Variants in RASAL2 observed in about 807,000 individuals in gnomAD.
RASAL2 encodes ras GTPase-activating protein nGAP.
A neutral mutation model predicts 128.9 loss-of-function variants in RASAL2; 58 were observed. The ratio of observed to expected loss-of-function variants is 0.45; its 90% CI spans 0.36 to 0.56. The LOEUF is 0.56. Ranked by LOEUF, RASAL2 falls within the 20% of genes least tolerant of loss-of-function variation. The pLI is 0.00. For synonymous variants in RASAL2, 561 were observed against 580.8 expected, an observed-to-expected ratio of 0.97 and a Z score of 0.49; for missense variants, 1,360 against 1,601.6, an observed-to-expected ratio of 0.85 and a Z score of 2.57.
intron 1 of RASAL2, among the ~76,000 whole-genome samples, chr1:178,188,592 C>A (rs529090573): frequency 6.6e-6 from 1 of 152,186 alleles, no homozygotes; most frequent in Non-Finnish European, 1.5e-5. Context: ...AAAAGTCTGC[C>A]ACTAAAGGAA....
chr1:178,452,044 A>T (rs1405089276), intron 10 of RASAL2, among the ~76,000 whole-genome samples: 1 of 152,190 alleles, frequency 6.6e-6, no homozygotes, highest in African/African-American at 2.4e-5. Context: ...ATGAATTTTG[A>T]TCATTGCTCT....
chr1:178,298,512 A>G lies in RASAL2; in HGVS notation c.331-1480A>G, dbSNP rs888216169. Among the ~76,000 whole-genome samples, 10 of 152,212 alleles carry G rather than the reference A, an allele frequency of 6.6e-5. 1 individual carries two copies. The highest frequency in any genetic ancestry group is 2.4e-4 in the African/African-American group (10 of 41,464). On this transcript the variant is annotated intron_variant, in intron 2 of 17. Transcript: ENST00000367649. ...TAACAGAGAGAGAGTTTTCCTTGCC[A>G]TCATCTCCTTGACCCAAGTCACAGG...
chr1:178,213,352 T>A (rs778880906), intron 1 of RASAL2, among the ~76,000 whole-genome samples: 1 of 152,148 alleles, frequency 6.6e-6, no homozygotes, highest in Non-Finnish European at 1.5e-5. Flanking sequence ...CCATATTCAC[T>A]AAAATTACAC....
chr1:178,440,315 G>C (rs965552121), intron 6 of RASAL2, among the ~76,000 whole-genome samples: 3 of 151,852 alleles, frequency 2.0e-5, no homozygotes, highest in Admixed American at 2.0e-4. Context: ...AAAGATGTTT[G>C]TTTGGTTCCT....
At chr1:178,177,558 C>T (rs1205397250) in intron 1 of RASAL2, among the ~76,000 whole-genome samples, 2 of 152,098 alleles carry the variant, frequency 1.3e-5, no homozygotes, top group East Asian at 3.9e-4. Flanking sequence ...GGAACAGTAC[C>T]TTCACTGGGA....
chr1:178,304,230 C>T (rs569747652), intron 3 of RASAL2, among the ~76,000 whole-genome samples: 4 of 152,090 alleles, frequency 2.6e-5, no homozygotes, highest in Non-Finnish European at 5.9e-5. Flanking sequence ...TGAGGACTAA[C>T]GAAAATCATT....
At chr1:178,439,613 A>G in intron 6 of RASAL2, 38 bp downstream of exon 6, 1 of 1,593,594 alleles carries the variant, frequency 6.3e-7, no homozygotes, top group Non-Finnish European at 8.6e-7. Context: ...GAGTAGTTAA[A>G]CAACAATTGG....
At chr1:178,197,850 T>TG (rs1430073945) in intron 1 of RASAL2, among the ~76,000 whole-genome samples, 19 of 151,922 alleles carry the variant, frequency 1.3e-4, no homozygotes, top group African/African-American at 4.6e-4. Flanking sequence ...CCTTCCCCCA[T>TG]TCCCCCACCC....
intron 1 of RASAL2, among the ~76,000 whole-genome samples, chr1:178,178,798 G>A (rs941374249): frequency 6.6e-6 from 1 of 152,100 alleles, no homozygotes; most frequent in African/African-American, 2.4e-5. Context: ...ATTAATTGAG[G>A]AAAAGTATAT....
At position 178,189,272 on chromosome 1, in the gene RASAL2, G is replaced by A. The variant is rs79548944; in HGVS notation, c.203-94292G>A. 5.9e-4 allele frequency among the ~76,000 whole-genome samples: 90 copies of A among 152,286 alleles called. No homozygotes were observed. The East Asian group carries it at 0.017, about 28-fold the overall frequency. On this transcript the variant is annotated intron_variant, in intron 1 of 17. Transcript: ENST00000367649. ...TTGTTAAATAAAAATTGATTGTCATGTGAGGATATAATAACCAATTCTTGC... is the reference window on the plus strand; with the variant it reads ...TTGTTAAATAAAAATTGATTGTCATATGAGGATATAATAACCAATTCTTGC...
At chr1:178,454,743 A>G (rs990849971) in intron 12 of RASAL2, 95 bp downstream of exon 12, 5 of 1,072,596 alleles carry the variant, frequency 4.7e-6, no homozygotes, top group Non-Finnish European at 5.5e-6. Context: ...TGCTAATTGA[A>G]AGCAACTGTT....
intron 13 of RASAL2, 90 bp from the exon 14 acceptor site, chr1:178,457,593 C>T: frequency 7.4e-7 from 1 of 1,358,196 alleles, no homozygotes; most frequent in Non-Finnish European, 1.0e-6. Context: ...ACATAAGAAC[C>T]TTCGGAGGAG....
At chr1:178,196,189 AT>A (rs1662652962) in intron 1 of RASAL2, among the ~76,000 whole-genome samples, 2 of 152,270 alleles carry the variant, frequency 1.3e-5, no homozygotes, top group African/African-American at 2.4e-5. Flanking sequence ...ATTTAAAAAA[AT>A]AAATAAATAG....
At chr1:178,153,282 T>C (rs1304958802) in intron 1 of RASAL2, among the ~76,000 whole-genome samples, 1 of 152,200 alleles carries the variant, frequency 6.6e-6, no homozygotes, top group Non-Finnish European at 1.5e-5. Flanking sequence ...TTTAGACATT[T>C]TTTGGTAAGA....
chr1:178,309,407 C>T (rs922465085), intron 3 of RASAL2, among the ~76,000 whole-genome samples: 1 of 152,052 alleles, frequency 6.6e-6, no homozygotes, highest in Non-Finnish European at 1.5e-5. Context: ...TTGAGGAGAA[C>T]TCAGATAAGC....
chr1:178,232,924 G>A (rs979270325), intron 1 of RASAL2, among the ~76,000 whole-genome samples: 3 of 152,060 alleles, frequency 2.0e-5, no homozygotes, highest in African/African-American at 7.2e-5. Context: ...GGTGTTGGTG[G>A]GTTGTTGTTG....
At position 178,447,892 on chromosome 1, in the gene RASAL2, T is replaced by C. The variant is rs573100746; in HGVS notation, c.1627+2230T>C. Among the ~76,000 whole-genome samples, 745 of 152,158 alleles carry C rather than the reference T, an allele frequency of 4.9e-3. 4 individuals are homozygous for C. Among genetic ancestry groups the C allele is most frequent in the Non-Finnish European group, 7.7e-3 (527 of 68,008 alleles). Reference sequence around the variant, plus strand: ...GTGTTGTGAGTGACTAGGGGGATGATGAGATTCTTAACAGGAATAGAAACC... The same window carrying C: ...GTGTTGTGAGTGACTAGGGGGATGACGAGATTCTTAACAGGAATAGAAACC... On this transcript the variant is annotated intron_variant, in intron 9 of 17. Coordinates refer to ENST00000367649, the MANE Select transcript of RASAL2 (RefSeq NM_170692.4).
chr1:178,283,588 G>C lies in RASAL2; in HGVS notation c.227G>C (p.Arg76Pro). The change falls in exon 2 of 18, where the codon CGT becomes CCT. Residue 76 changes from arginine to proline, a missense_variant. Coordinates refer to ENST00000367649, the MANE Select transcript of RASAL2 (RefSeq NM_170692.4). Reference sequence around the variant, plus strand: ...GATGTGAAAGGACCACCCACCCACCGTCTGTCTTGTGGTCAGTCACCCTAC... The same window carrying C: ...GATGTGAAAGGACCACCCACCCACCCTCTGTCTTGTGGTCAGTCACCCTAC... ...VYDVKGPPTH[R>P]LSCGQSPYTE... The C allele has an allele frequency of 1.2e-6, 2 of 1,612,826 alleles. No homozygotes were observed. Among genetic ancestry groups the C allele is most frequent in the Non-Finnish European group, 1.7e-6 (2 of 1,179,560 alleles).
intron 1 of RASAL2, among the ~76,000 whole-genome samples, chr1:178,114,364 G>A (rs1471566471): frequency 6.6e-6 from 1 of 152,018 alleles, no homozygotes; most frequent in Non-Finnish European, 1.5e-5. Flanking sequence ...TTAGTTTAAA[G>A]ATGTTCCCTC....
Sources: gnomAD v4.1 joint callset for allele counts (sites outside exome capture counted in the v4.1 genomes callset) on GRCh38, gnomAD v4.1.1 for gene constraint, MANE v1.5 for transcripts, NCBI Gene and HGNC (gene_info 2026-07-23, HGNC 2026-07-21) for gene names.